Variants in ACAD11 observed in about 807,000 individuals in gnomAD.
The protein encoded by ACAD11 is acyl-CoA dehydrogenase family member 11, also known as acyl-Coenzyme A dehydrogenase family, member 11.
Under a neutral mutation model 102.2 loss-of-function variants are expected in ACAD11, and 83 were observed. The ratio of observed to expected loss-of-function variants is 0.81; its 90% confidence interval spans 0.68 to 0.97. The LOEUF (loss-of-function observed/expected upper bound fraction) is 0.97, where lower values mean the gene tolerates loss of function less well. Ranked by LOEUF, ACAD11 falls within the 50% of genes least tolerant of loss-of-function variation. The pLI, the probability that ACAD11 is intolerant of heterozygous loss-of-function variation, is 0.00. For synonymous variants in ACAD11, 324 were observed against 319.8 expected (o/e 1.01, Z -0.14); for missense variants, 901 against 951.7 (o/e 0.95, Z 0.70).
At chr3:132,627,872 G>T (rs770555573) in intron 8 of ACAD11, among the ~76,000 whole-genome samples, 5 of 152,192 alleles carry the variant, frequency 3.3e-5, no homozygotes, top group Non-Finnish European at 5.9e-5. Context: ...CAATGGGAAT[G>T]AAACTGGCAA....
intron 13 of ACAD11, among the ~76,000 whole-genome samples, chr3:132,599,669 T>C (rs753599697): frequency 3.3e-5 from 5 of 152,030 alleles, no homozygotes; most frequent in East Asian, 3.9e-4. Context: ...TGGGAACTGA[T>C]TGGGAAGCAG....
chr3:132,565,380 C>T (rs1937181963), intron 17 of ACAD11, among the ~76,000 whole-genome samples: 1 of 152,162 alleles, frequency 6.6e-6, no homozygotes, highest in Non-Finnish European at 1.5e-5. Flanking sequence ...GCATCATCCT[C>T]TTCAGGTACT....
intron 15 of ACAD11, among the ~76,000 whole-genome samples, chr3:132,577,672 A>G (rs1937542107): frequency 6.6e-6 from 1 of 152,080 alleles, no homozygotes; most frequent in African/African-American, 2.4e-5. Context: ...AGTTTTAGAG[A>G]TAATCTCATG....
At chr3:132,574,309 G>A (rs1343296717) in intron 17 of ACAD11, among the ~76,000 whole-genome samples, 1 of 152,142 alleles carries the variant, frequency 6.6e-6, no homozygotes, top group Non-Finnish European at 1.5e-5. Flanking sequence ...ATCAGAGGCT[G>A]TATCCAGGGC....
chr3:132,571,200 TTAGA>T (rs1336454771), intron 17 of ACAD11, among the ~76,000 whole-genome samples: 1 of 152,206 alleles, frequency 6.6e-6, no homozygotes, highest in Non-Finnish European at 1.5e-5. Flanking sequence ...CTGACTAGTG[TTAGA>T]TAGTATCTCA....
chr3:132,642,437 A>G (rs1940560337), intron 3 of ACAD11, among the ~76,000 whole-genome samples: 1 of 152,214 alleles, frequency 6.6e-6, no homozygotes, highest in South Asian at 2.1e-4. Context: ...ACTGACACCT[A>G]GAGGAAAATT....
chr3:132,618,491 A>T, intron 11 of ACAD11, 143 bp downstream of exon 11: 1 of 727,390 alleles, frequency 1.4e-6, no homozygotes, highest in Non-Finnish European at 2.0e-6. Flanking sequence ...TCTTATATTT[A>T]AATCAAAGTA....
intron 5 of ACAD11, among the ~76,000 whole-genome samples, chr3:132,632,641 G>T (rs1447300561): frequency 6.6e-6 from 1 of 152,074 alleles, no homozygotes; most frequent in South Asian, 2.1e-4. Flanking sequence ...TGATGGGGAT[G>T]GCATTGAATC....
At position 132,605,097 on chromosome 3, in the gene ACAD11, C is replaced by A. The variant is rs556222225; in HGVS notation, c.1522+1G>T. On this transcript the variant is annotated splice_donor_variant, in intron 12 of 19. Coordinates refer to ENST00000264990, the MANE Select transcript of ACAD11 (RefSeq NM_032169.5). LOFTEE classifies it high-confidence loss of function. The stretch of plus-strand genomic sequence containing the variant: ...AGGAGAGAATGGTGATTGGCATTTA[C>A]CTGTCATACAGAAGCAAGAGGTAAT... 6.2e-7 allele frequency: 1 copy of A among 1,608,650 alleles called. No homozygotes were observed. Among genetic ancestry groups the A allele is most frequent in the Admixed American group, 1.7e-5 (1 of 59,946 alleles).
intron 17 of ACAD11, among the ~76,000 whole-genome samples, 164 bp downstream of exon 17, chr3:132,575,608 A>C (rs913547303): frequency 3.3e-5 from 5 of 152,210 alleles, no homozygotes; most frequent in African/African-American, 1.2e-4. Flanking sequence ...ATAAAGATAA[A>C]TACCTCTCAT....
chr3:132,644,057 G>A (rs1430556096), intron 2 of ACAD11, among the ~76,000 whole-genome samples: 1 of 151,926 alleles, frequency 6.6e-6, no homozygotes, highest in Non-Finnish European at 1.5e-5. Context: ...ATGTTTCTGG[G>A]AATATGATAT....
At chr3:132,565,699 C>T (rs893238636) in intron 17 of ACAD11, among the ~76,000 whole-genome samples, 9 of 152,124 alleles carry the variant, frequency 5.9e-5, no homozygotes, top group African/African-American at 2.2e-4. Flanking sequence ...GGGGGAATAT[C>T]CCTCATAAAT....
chr3:132,641,841 T>C (rs1430041912), intron 4 of ACAD11, 131 bp downstream of exon 4: 1 of 784,540 alleles, frequency 1.3e-6, no homozygotes, highest in Non-Finnish European at 1.9e-6. Flanking sequence ...AAACTAGTCA[T>C]TCTGAAGGAC....
intron 1 of ACAD11, among the ~76,000 whole-genome samples, chr3:132,658,540 A>C (rs1937940447): frequency 6.6e-6 from 1 of 152,208 alleles, no homozygotes; most frequent in African/African-American, 2.4e-5. Context: ...CAAATTCCAC[A>C]GCAATTGAAA....
In ACAD11 at chr3:132,625,504, G is replaced by C. The variant is rs146166711; in HGVS notation, c.1197+1187C>G. Among the ~76,000 whole-genome samples the C allele has an allele frequency of 3.3e-3, 500 of 152,018 alleles. 1 individual carries two copies. The highest frequency in any genetic ancestry group is 4.1e-3 in the Non-Finnish European group (276 of 67,924). ...GTTCACAGTTTTAAAAATCAGAATT[G>C]AACAAACACTAACTAGATCAGAAAA... On this transcript the variant is annotated intron_variant, in intron 9 of 19. Coordinates refer to ENST00000264990, the MANE Select transcript of ACAD11 (RefSeq NM_032169.5).
chr3:132,654,992 A>G (rs1206032169), intron 1 of ACAD11, among the ~76,000 whole-genome samples: 1 of 152,210 alleles, frequency 6.6e-6, no homozygotes, highest in Non-Finnish European at 1.5e-5. Flanking sequence ...TGAATACTGC[A>G]GGCAATTAAT....
chr3:132,583,613 G>C (rs1447044164), intron 13 of ACAD11, among the ~76,000 whole-genome samples: 2 of 151,994 alleles, frequency 1.3e-5, no homozygotes, highest in Non-Finnish European at 2.9e-5. Context: ...GTTTGCTCTT[G>C]CTTCTCTAGT....
intron 11 of ACAD11, among the ~76,000 whole-genome samples, chr3:132,610,805 C>G (rs1451064182): frequency 6.6e-6 from 1 of 152,162 alleles, no homozygotes; most frequent in African/African-American, 2.4e-5. Context: ...GAAGAAGGAG[C>G]TGGTACCATT....
chr3:132,650,515 C>G (rs1489726412), intron 1 of ACAD11: 1 of 152,142 alleles, frequency 6.6e-6, no homozygotes, highest in Non-Finnish European at 1.5e-5. Flanking sequence ...AAAAATCATA[C>G]TTGGGCTGCT....
Sources: gnomAD v4.1 joint callset for allele counts (sites outside exome capture counted in the v4.1 genomes callset) on GRCh38, gnomAD v4.1.1 for gene constraint, MANE v1.5 for transcripts, NCBI Gene and HGNC (gene_info 2026-07-23, HGNC 2026-07-21) for gene names.